DHX30: variants seen among roughly 807,000 people sequenced by gnomAD.
DHX30 encodes the protein DExH-box helicase 30.
In DHX30, 4 loss-of-function variants were observed where a neutral mutation model predicts 116.9. The observed-to-expected ratio is 0.03, with a 90% confidence interval of 0.02 to 0.08. DHX30 has a LOEUF of 0.08. Ranked by LOEUF, DHX30 falls within the 10% of genes least tolerant of loss-of-function variation. DHX30 has a pLI of 1.00. For missense variants in DHX30, 871 were observed against 1,595.1 expected (o/e 0.55, Z 7.73); for synonymous variants, 697 against 651.7 (o/e 1.07, Z -1.06).
At chr3:47,828,337 G>A (rs1159367373) in intron 5 of DHX30, among the ~76,000 whole-genome samples, 1 of 151,646 alleles carries the variant, frequency 6.6e-6, no homozygotes, top group Non-Finnish European at 1.5e-5. Context: ...GTGCAGGCCT[G>A]TAGTCCCAGC....
chr3:47,840,230 G>A (rs1036179177), intron 6 of DHX30, among the ~76,000 whole-genome samples: 6 of 149,876 alleles, frequency 4.0e-5, no homozygotes, highest in East Asian at 2.0e-4. Flanking sequence ...ATCTCCTGAC[G>A]TCATGATCCG....
At chr3:47,828,294 T>C (rs2036639058) in intron 5 of DHX30, among the ~76,000 whole-genome samples, 1 of 149,702 alleles carries the variant, frequency 6.7e-6, no homozygotes, top group Non-Finnish European at 1.5e-5. Flanking sequence ...ACCCCATTTC[T>C]ACAAAAAATG....
At position 47,846,991 on chromosome 3, in the gene DHX30, G is replaced by A. The variant is rs1171455458; in HGVS notation, c.1919G>A (p.Arg640Gln). The A allele has an allele frequency of 6.8e-6, 11 of 1,610,212 alleles. No individual in the cohort carries two copies. The highest frequency in any genetic ancestry group is 1.7e-5 in the Admixed American group (1 of 59,984). ...AAGCACCAGTACCTGCACCGGCACC[G>A]GCACCATGAGGTGAGGGACACCCCC... ...LGKHQYLHRH[R>Q]HHESEDECAL... The change falls in exon 11 of 22, where the codon CGG becomes CAG. Residue 640 changes from arginine to glutamine, a missense_variant. This residue lies in a region of DHX30 where 61 missense variants were observed against 106.7 expected (regional missense o/e 0.57). Transcript: ENST00000445061.
Position 47,848,266 on chromosome 3 carries a change from C to T in DHX30, c.2373C>T (p.Ala791=). 6.2e-7 allele frequency: 1 copy of T among 1,613,804 alleles called. No homozygotes were observed. Among genetic ancestry groups the T allele is most frequent in the Non-Finnish European group, 8.5e-7 (1 of 1,179,974 alleles). The change falls in exon 15 of 22, where the codon GCC becomes GCT. Residue 791 remains alanine (A), a synonymous_variant. Coordinates refer to ENST00000445061, the MANE Select transcript of DHX30 (RefSeq NM_138615.3). This position sits in a 1 kb window ranked among gnomAD's most constrained non-coding sequence, Gnocchi z 9.4. ...GRAGRCQSGF[A]YHLFPRSRLE... ...CGGGCCGCTGCCAGTCCGGCTTTGC[C>T]TACCACTTGTTCCCTCGAAGCCGGC...
intron 2 of DHX30, among the ~76,000 whole-genome samples, chr3:47,805,792 C>T (rs775830927): frequency 5.9e-5 from 9 of 152,308 alleles, no homozygotes; most frequent in Admixed American, 1.3e-4. Context: ...CAGCCTGCCT[C>T]AGCCTCCCAA....
chr3:47,817,856 T>G (rs2036127699), intron 3 of DHX30, 166 bp from the exon 4 acceptor site: 1 of 696,490 alleles, frequency 1.4e-6, no homozygotes, highest in Non-Finnish European at 2.6e-6. Context: ...CTTCTTCCTG[T>G]GTGGCGTTGT....
Position 47,847,464 on chromosome 3 carries a change from G to C in DHX30, c.2038G>C (p.Glu680Gln). The C allele has an allele frequency of 6.2e-7, 1 of 1,612,704 alleles. No homozygotes were observed. Among genetic ancestry groups the C allele is most frequent in the Admixed American group, 1.7e-5 (1 of 59,978 alleles). The change falls in exon 13 of 22, where the codon GAG (glutamate) becomes CAG (glutamine). Residue 680 changes from glutamate to glutamine, a missense_variant. Glu to Gln is a conservative substitution (Grantham distance 29). Coordinates refer to ENST00000445061, the MANE Select transcript of DHX30 (RefSeq NM_138615.3). This position sits in a 1 kb window ranked among gnomAD's most constrained non-coding sequence, Gnocchi z 5.5. ...CCTGTGCTTCCTGCCTGGGTGGCAGGAGATCAAAGGAGTGCAGCAGCGCCT... is the reference window on the plus strand; with the variant it reads ...CCTGTGCTTCCTGCCTGGGTGGCAGCAGATCAAAGGAGTGCAGCAGCGCCT... ...GILCFLPGWQ[E>Q]IKGVQQRLQE...
Position 47,848,961 on chromosome 3 carries a change from G to A in DHX30, c.2811G>A (p.Leu937=), listed in dbSNP as rs770879275. The part of the protein sequence containing the change: ...LLSHDSGSDH[L]AFVRAVAGWE... ...GCCATGACAGCGGCAGTGACCACCT[G>A]GCCTTTGTGCGGGCTGTCGCCGGCT... Residue 937 remains leucine, a synonymous_variant, in exon 18 of 22, where the codon CTG becomes CTA. Coordinates refer to ENST00000445061, the MANE Select transcript of DHX30 (RefSeq NM_138615.3). This position sits in a 1 kb window ranked among gnomAD's most constrained non-coding sequence, Gnocchi z 9.4. The A allele has an allele frequency of 6.2e-7, 1 of 1,613,102 alleles. No homozygotes were observed. The highest frequency in any genetic ancestry group is 1.1e-5 in the South Asian group (1 of 90,896).
Position 47,849,579 on chromosome 3 carries a change from G to A in DHX30, c.3191+25G>A, listed in dbSNP as rs181697923. 137 of 1,613,912 alleles carry A rather than the reference G, an allele frequency of 8.5e-5. No homozygotes were observed. In the Middle Eastern group the frequency reaches 1.2e-3, roughly 14 times the overall value. The stretch of plus-strand genomic sequence containing the variant: ...GGTGAGGGCATGCAGGCCTGGATGG[G>A]GCAGCTGGGATGGTCCAAAAGGGTG... On this transcript the variant is annotated intron_variant, in intron 20 of 21. Coordinates refer to ENST00000445061, the MANE Select transcript of DHX30 (RefSeq NM_138615.3).
chr3:47,838,140 A>C (rs1294039053), intron 6 of DHX30, among the ~76,000 whole-genome samples: 2 of 152,214 alleles, frequency 1.3e-5, no homozygotes, highest in Non-Finnish European at 1.5e-5. Context: ...GCGGTGACGC[A>C]AAAGTGTGGC....
chr3:47,839,669 G>GT (rs1559712961), intron 6 of DHX30, among the ~76,000 whole-genome samples: 1 of 150,152 alleles, frequency 6.7e-6, no homozygotes. Flanking sequence ...GGCTACATAG[G>GT]TTTTTTTGTT....
At chr3:47,825,161 AC>A in intron 4 of DHX30, 1 of 669,554 alleles carries the variant, frequency 1.5e-6, no homozygotes, top group Non-Finnish European at 2.7e-6. Context: ...AGCTGCGCCC[AC>A]CCCGACCACA....
At chr3:47,835,994 A>G (rs932512493) in intron 6 of DHX30, among the ~76,000 whole-genome samples, 3 of 152,346 alleles carry the variant, frequency 2.0e-5, no homozygotes, top group African/African-American at 7.2e-5. Context: ...TTCCCAGCTT[A>G]CAGTACACAG....
intron 4 of DHX30, among the ~76,000 whole-genome samples, chr3:47,819,968 T>C (rs913928765): frequency 2.6e-5 from 4 of 152,182 alleles, no homozygotes; most frequent in African/African-American, 9.6e-5. Context: ...TTCCTGTCCA[T>C]TGCCTCAAAT....
chr3:47,848,618 T>C lies in DHX30; in HGVS notation c.2576-6T>C. On this transcript the variant is annotated splice_polypyrimidine_tract_variant and splice_region_variant and intron_variant, in intron 16 of 21. Coordinates refer to ENST00000445061, the MANE Select transcript of DHX30 (RefSeq NM_138615.3). The surrounding 1 kb of genome is among the most constrained non-coding windows in gnomAD (Gnocchi z 9.4). ...GAGGGTGGTACTGACAGCTGAGCCG[T>C]TGCAGGGGTGCTGGACCAGCGGGAG... The C allele has an allele frequency of 6.2e-7, 1 of 1,613,974 alleles. No homozygotes were observed. The highest frequency in any genetic ancestry group is 8.5e-7 in the Non-Finnish European group (1 of 1,179,960).
Position 47,843,266 on chromosome 3 carries a change from G to C in DHX30, c.939+11G>C, listed in dbSNP as rs1264538228. ...TGCAAGAAACTGAAGGTGAGTCCAGGAAGGTCCTGGGTGTGGTGCATGAGA... is the reference window on the plus strand; with the variant it reads ...TGCAAGAAACTGAAGGTGAGTCCAGCAAGGTCCTGGGTGTGGTGCATGAGA... On this transcript the variant is annotated intron_variant, in intron 9 of 21. Coordinates refer to ENST00000445061, the MANE Select transcript of DHX30 (RefSeq NM_138615.3). The C allele has an allele frequency of 6.2e-7, 1 of 1,614,066 alleles. No homozygotes were observed. Among genetic ancestry groups the C allele is most frequent in the Non-Finnish European group, 8.5e-7 (1 of 1,180,026 alleles).
At position 47,841,136 on chromosome 3, in the gene DHX30, C is replaced by G. The variant is rs750273862; in HGVS notation, c.626C>G (p.Ser209Cys). The change falls in exon 7 of 22, where the codon TCC (serine) becomes TGC (cysteine). Residue 209 changes from serine to cysteine, a missense_variant. By Grantham distance (112) the Ser-to-Cys change is moderately radical (BLOSUM62 -1). Transcript: ENST00000445061. ...EGTIDVTDFL[S>C]MTQQDSHAPL... ...ACCATAGATGTTACCGACTTCTTGTCCATGACCCAGCAGGATTCCCACGCT... is the reference window on the plus strand; with the variant it reads ...ACCATAGATGTTACCGACTTCTTGTGCATGACCCAGCAGGATTCCCACGCT... 1.6e-5 allele frequency: 26 copies of G among 1,614,058 alleles called. No individual in the cohort carries two copies. The Admixed American group carries it at 4.3e-4, about 27-fold the overall frequency.
intron 4 of DHX30, 134 bp from the exon 5 acceptor site, chr3:47,827,213 C>T: frequency 1.2e-6 from 1 of 817,676 alleles, no homozygotes; most frequent in Non-Finnish European, 1.8e-6. Flanking sequence ...TTTTCTTTTC[C>T]AAGATGCTCC....
chr3:47,840,936 A>C lies in DHX30; in HGVS notation c.426A>C (p.Leu142=). ...TTGACGCAGCCAAATACCGAGTGCT[A>C]GCTGATCGCTTTGGCTCCCCTGCCG... ...ELFDAAKYRV[L]ADRFGSPADS... Residue 142 remains leucine, a synonymous_variant, in exon 7 of 22, where the codon CTA becomes CTC. Transcript: ENST00000445061. 1 of 1,614,166 alleles carries C rather than the reference A, an allele frequency of 6.2e-7. No individual in the cohort carries two copies. Among genetic ancestry groups the C allele is most frequent in the East Asian group, 2.2e-5 (1 of 44,870 alleles).
Sources: allele counts gnomAD v4.1 joint callset (sites outside exome capture counted in the v4.1 genomes callset), GRCh38; gene constraint gnomAD v4.1.1; regional missense constraint gnomAD v4.1.1; non-coding constraint Gnocchi (gnomAD v3.1); transcripts MANE v1.5; gene names NCBI Gene and HGNC (gene_info 2026-07-23, HGNC 2026-07-21).